The following FAM20B variants were observed in gnomAD, a reference collection of about 807,000 sequenced individuals.
FAM20B encodes glycosaminoglycan xylosylkinase.
Under a neutral mutation model 43.8 loss-of-function variants are expected in FAM20B, and 23 were observed. That is an observed-to-expected ratio of 0.53 (90% confidence interval 0.38 to 0.74). The LOEUF is 0.74. Ranked by LOEUF, FAM20B falls within the 30% of genes least tolerant of loss-of-function variation. FAM20B has a pLI of 0.00. For synonymous variants in FAM20B, 178 were observed against 192.4 expected, an observed-to-expected ratio of 0.93 and a Z score of 0.62; for missense variants, 440 against 510.5, an observed-to-expected ratio of 0.86 and a Z score of 1.33.
chr1:179,022,446 C>T (rs1040052865), upstream of FAM20B, among the ~76,000 whole-genome samples: 13 of 152,024 alleles, frequency 8.6e-5, no homozygotes, highest in Non-Finnish European at 1.6e-4. Context: ...TTAAAAGAAA[C>T]TCTGTGTGTG....
chr1:179,033,469 A>G (rs1650090829), intron 1 of FAM20B, among the ~76,000 whole-genome samples: 1 of 152,300 alleles, frequency 6.6e-6, no homozygotes, highest in South Asian at 2.1e-4. Flanking sequence ...AATTTATCAA[A>G]CCAATTTTTA....
chr1:179,073,092 T>C lies in FAM20B; in HGVS notation c.*948T>C, dbSNP rs9725887. On this transcript the variant is annotated 3_prime_UTR_variant, in exon 8 of 8. Coordinates refer to ENST00000263733, the MANE Select transcript of FAM20B (RefSeq NM_014864.4). ...TGCCTGTGGTCTCTGTCATCCTCGT[T>C]TCTCTTCTGAAATGAATTTCCACCT... 0.61 allele frequency: 92,660 copies of C among 152,012 alleles called. 28,524 individuals carry two copies. Among genetic ancestry groups the C allele is most frequent in the African/African-American group, 0.64 (26,632 of 41,452 alleles). 9.4% of individuals were successfully genotyped at this position (152,012 alleles called of 1,614,324 possible). A position where few individuals can be genotyped will look rare whatever the true frequency, so the allele number is the denominator to read the frequency against.
chr1:179,064,578 A>ATCC (rs1362068708), intron 6 of FAM20B, 82 bp downstream of exon 6: 1 of 1,115,400 alleles, frequency 9.0e-7, no homozygotes, highest in Non-Finnish European at 1.3e-6. Flanking sequence ...CCTGGAGAAT[A>ATCC]TCCAGAATGC....
rs888657040 is a variant in FAM20B, at chr1:179,075,812, C to T, written c.*3668C>T. 6.6e-6 allele frequency: 1 copy of T among 151,880 alleles called. No homozygotes were observed. The highest frequency in any genetic ancestry group is 1.9e-4 in the East Asian group (1 of 5,188). The allele number at this position is 151,880 out of a possible 1,614,324, so 9.4% of individuals were successfully genotyped here. ...TTTTGCCTTCCCTTCCCTTCCCATC[C>T]GCCATATTTCTTCAGCCTTTCTTCT... On this transcript the variant is annotated 3_prime_UTR_variant, in exon 8 of 8. Coordinates refer to ENST00000263733, the MANE Select transcript of FAM20B (RefSeq NM_014864.4).
intron 1 of FAM20B, among the ~76,000 whole-genome samples, chr1:179,031,941 T>C (rs1650032264): frequency 6.6e-6 from 1 of 152,154 alleles, no homozygotes; most frequent in Admixed American, 6.5e-5. Flanking sequence ...GAATTGAACT[T>C]TGTAGAGAAG....
At chr1:179,020,948 G>A (rs1649594255), upstream of FAM20B, among the ~76,000 whole-genome samples, 1 of 152,228 alleles carries the variant, frequency 6.6e-6, no homozygotes, top group Admixed American at 6.5e-5. Flanking sequence ...GCGCACGCCT[G>A]TAGTCACAGC....
At chr1:179,049,394 T>TA (rs1038837069) in intron 2 of FAM20B, among the ~76,000 whole-genome samples, 3 of 151,166 alleles carry the variant, frequency 2.0e-5, no homozygotes, top group South Asian at 4.2e-4. Flanking sequence ...ATCATAAACT[T>TA]AAAAAAAAAG....
At chr1:179,068,729 C>T (rs555227168) in intron 7 of FAM20B, among the ~76,000 whole-genome samples, 6 of 152,200 alleles carry the variant, frequency 3.9e-5, no homozygotes, top group East Asian at 1.9e-4. Flanking sequence ...CCACTGCGCC[C>T]GACCCAATAT....
intron 1 of FAM20B, among the ~76,000 whole-genome samples, chr1:179,033,936 G>A (rs1233540369): frequency 1.3e-5 from 2 of 152,062 alleles, no homozygotes; most frequent in Non-Finnish European, 2.9e-5. Context: ...TGGGTGATCC[G>A]CCCATCTCAC....
chr1:179,051,315 C>A (rs760494542), intron 3 of FAM20B, among the ~76,000 whole-genome samples: 5 of 151,848 alleles, frequency 3.3e-5, no homozygotes, highest in African/African-American at 7.3e-5. Context: ...AAACTGCTAA[C>A]AATATTTGTT....
intron 1 of FAM20B, among the ~76,000 whole-genome samples, chr1:179,041,629 A>AT (rs1557869773): frequency 3.6e-5 from 5 of 137,946 alleles, no homozygotes; most frequent in African/African-American, 1.2e-4. Context: ...AGAGAGGGAG[A>AT]GGGAGACCGT....
At chr1:179,035,534 G>T in intron 1 of FAM20B, 1 of 658,808 alleles carries the variant, frequency 1.5e-6, no homozygotes, top group South Asian at 1.4e-5. Context: ...TATTTCGAAT[G>T]ATGAATTTCT....
chr1:179,035,537 G>A (rs1218342615), intron 1 of FAM20B: 11 of 657,114 alleles, frequency 1.7e-5, no homozygotes, highest in Non-Finnish European at 2.8e-5. Context: ...TTCGAATGAT[G>A]AATTTCTTAA....
chr1:179,041,629 A>G (rs1012989028), intron 1 of FAM20B, among the ~76,000 whole-genome samples: 44 of 138,052 alleles, frequency 3.2e-4, no homozygotes, highest in African/African-American at 1.2e-3. Flanking sequence ...AGAGAGGGAG[A>G]GGGAGACCGT....
intron 1 of FAM20B, among the ~76,000 whole-genome samples, chr1:179,033,595 T>C (rs914714944): frequency 5.3e-5 from 8 of 152,132 alleles, no homozygotes; most frequent in Non-Finnish European, 1.0e-4. Context: ...CCAAAAGGAG[T>C]TGATAGGAGC....
intron 1 of FAM20B, among the ~76,000 whole-genome samples, chr1:179,031,800 T>A (rs1650026603): frequency 6.6e-6 from 1 of 152,262 alleles, no homozygotes; most frequent in Admixed American, 6.5e-5. Flanking sequence ...CATGAAAAGC[T>A]GTCATCTTTA....
chr1:179,039,310 T>C (rs148861832), intron 1 of FAM20B, among the ~76,000 whole-genome samples: 16 of 152,306 alleles, frequency 1.1e-4, no homozygotes, highest in African/African-American at 3.8e-4. Flanking sequence ...CTTGACACCC[T>C]TGCAAAAATC....
intron 4 of FAM20B, among the ~76,000 whole-genome samples, chr1:179,061,510 C>G (rs975812701): frequency 5.9e-5 from 9 of 152,012 alleles, no homozygotes; most frequent in African/African-American, 1.9e-4. Flanking sequence ...CTCAAGCAAT[C>G]CTCCTACCTC....
chr1:179,066,736 GCTT>G, intron 6 of FAM20B, 61 bp from the exon 7 acceptor site: 1 of 1,094,242 alleles, frequency 9.1e-7, no homozygotes, highest in Non-Finnish European at 1.4e-6. Context: ...ATTTGCTATT[GCTT>G]TGATGCTAAG....
Sources: gnomAD v4.1 joint callset for allele counts (sites outside exome capture counted in the v4.1 genomes callset) on GRCh38, gnomAD v4.1.1 for gene constraint, MANE v1.5 for transcripts, NCBI Gene and HGNC (gene_info 2026-07-23, HGNC 2026-07-21) for gene names.